Variants in RNF185 observed in about 807,000 individuals in gnomAD.
RNF185 encodes the protein ring finger protein 185, also known as E3 ubiquitin-protein ligase RNF185.
In RNF185, 13 loss-of-function variants were observed where a neutral mutation model predicts 24.9. The ratio of observed to expected loss-of-function variants is 0.52; its 90% CI spans 0.34 to 0.83. The LOEUF (loss-of-function observed/expected upper bound fraction) is 0.83, where lower values mean the gene tolerates loss of function less well. Ranked by LOEUF, RNF185 falls within the 40% of genes least tolerant of loss-of-function variation. The pLI, the probability that RNF185 is intolerant of heterozygous loss-of-function variation, is 0.01. For synonymous variants in RNF185, 79 were observed against 90.3 expected (o/e 0.88, Z 0.71); for missense variants, 184 against 244.7 (o/e 0.75, Z 1.65).
intron 5 of RNF185, among the ~76,000 whole-genome samples, chr22:31,199,234 A>T (rs1173907307): frequency 1.3e-5 from 2 of 152,198 alleles, no homozygotes; most frequent in South Asian, 2.1e-4. Flanking sequence ...TATATGCATG[A>T]TCTCATTTAA....
In RNF185 at chr22:31,205,774, G is replaced by A. The variant is rs969917803; in HGVS notation, c.*1188G>A. Reference sequence around the variant, plus strand: ...AACCCCTGATGATTTGTAAAGCCAGGTGGCAGGGCCTTGGGGAGCCCCAGC... The same window carrying A: ...AACCCCTGATGATTTGTAAAGCCAGATGGCAGGGCCTTGGGGAGCCCCAGC... On this transcript the variant is annotated 3_prime_UTR_variant, in exon 7 of 7. Transcript: ENST00000326132. 2.0e-5 allele frequency: 3 copies of A among 152,262 alleles called. No individual in the cohort carries two copies. Among genetic ancestry groups the A allele is most frequent in the African/African-American group, 7.2e-5 (3 of 41,456 alleles). 9.4% of individuals were successfully genotyped at this position (152,262 alleles called of 1,614,324 possible).
intron 1 of RNF185, among the ~76,000 whole-genome samples, chr22:31,184,473 G>A (rs2048076503): frequency 6.6e-6 from 1 of 151,872 alleles, no homozygotes; most frequent in African/African-American, 2.4e-5. Flanking sequence ...CCCAGACGAT[G>A]GGCGGCCAGG....
intron 2 of RNF185, among the ~76,000 whole-genome samples, chr22:31,191,762 G>C (rs1277319326): frequency 6.6e-6 from 1 of 150,812 alleles, no homozygotes; most frequent in Non-Finnish European, 1.5e-5. Flanking sequence ...AACCTGGGAG[G>C]TGGAGGTTGC....
chr22:31,201,007 G>C (rs2048258124), intron 5 of RNF185, among the ~76,000 whole-genome samples: 1 of 152,154 alleles, frequency 6.6e-6, no homozygotes, highest in Non-Finnish European at 1.5e-5. Context: ...TTCTTTGAAT[G>C]CATGTATCAA....
At chr22:31,190,658 G>A (rs2048147488) in intron 2 of RNF185, among the ~76,000 whole-genome samples, 1 of 149,454 alleles carries the variant, frequency 6.7e-6, no homozygotes. Flanking sequence ...ACTCCAGATT[G>A]AGTAGCACGA....
intron 5 of RNF185, among the ~76,000 whole-genome samples, chr22:31,199,051 G>A (rs1601377730): frequency 6.8e-6 from 1 of 147,712 alleles, no homozygotes; most frequent in South Asian, 2.1e-4. Flanking sequence ...AGTGAGCTGA[G>A]ATCACACCAC....
At chr22:31,185,800 C>T (rs915800337) in intron 1 of RNF185, among the ~76,000 whole-genome samples, 3 of 152,150 alleles carry the variant, frequency 2.0e-5, no homozygotes, top group Non-Finnish European at 2.9e-5. Context: ...CTTTCTTGTT[C>T]AACTCCTGGC....
chr22:31,196,293 G>C (rs910950286), intron 4 of RNF185, among the ~76,000 whole-genome samples: 4 of 152,050 alleles, frequency 2.6e-5, no homozygotes, highest in African/African-American at 9.7e-5. Flanking sequence ...CACATTAGTT[G>C]CTCTCACCCA....
At chr22:31,165,198 G>T (rs1292680214) in intron 1 of RNF185, among the ~76,000 whole-genome samples, 2 of 152,062 alleles carry the variant, frequency 1.3e-5, no homozygotes, top group East Asian at 3.9e-4. Flanking sequence ...GATTACAGGT[G>T]TGAGCCACTG....
chr22:31,166,328 A>C (rs1923917055), intron 1 of RNF185, among the ~76,000 whole-genome samples: 1 of 151,928 alleles, frequency 6.6e-6, no homozygotes, highest in Non-Finnish European at 1.5e-5. Flanking sequence ...AATACAGAAA[A>C]ATCTCCCTCT....
intron 2 of RNF185, among the ~76,000 whole-genome samples, chr22:31,192,182 T>C (rs545221568): frequency 3.9e-5 from 6 of 152,332 alleles, no homozygotes; most frequent in African/African-American, 1.4e-4. Context: ...TTTGTTAAAC[T>C]GGATCTGGAC....
At chr22:31,165,084 A>G (rs78578158) in intron 1 of RNF185, among the ~76,000 whole-genome samples, 1 of 138,570 alleles carries the variant, frequency 7.2e-6, no homozygotes, top group South Asian at 2.3e-4. Context: ...CTAATTTTGT[A>G]TTTTTTTTTT....
chr22:31,180,943 G>A (rs957027653), intron 1 of RNF185, among the ~76,000 whole-genome samples: 11 of 151,436 alleles, frequency 7.3e-5, no homozygotes, highest in African/African-American at 2.4e-4. Flanking sequence ...GTGTGTGTGT[G>A]TGTGTGTGTG....
At chr22:31,176,582 A>G (rs1438537379) in intron 1 of RNF185, among the ~76,000 whole-genome samples, 1 of 149,628 alleles carries the variant, frequency 6.7e-6, no homozygotes, top group Non-Finnish European at 1.5e-5. Context: ...TCCGCCTCCC[A>G]GGTTCACACC....
At chr22:31,200,953 G>C (rs984629517) in intron 5 of RNF185, among the ~76,000 whole-genome samples, 3 of 152,226 alleles carry the variant, frequency 2.0e-5, no homozygotes, top group Non-Finnish European at 4.4e-5. Flanking sequence ...TGATAACTTG[G>C]TCACAAGAGT....
chr22:31,200,535 A>C (rs1167721925), intron 5 of RNF185, among the ~76,000 whole-genome samples: 1 of 152,254 alleles, frequency 6.6e-6, no homozygotes, highest in Non-Finnish European at 1.5e-5. Flanking sequence ...CCTAGTGCTT[A>C]ACATGGTGCC....
chr22:31,174,901 C>T (rs1439941133), intron 1 of RNF185, among the ~76,000 whole-genome samples: 1 of 151,678 alleles, frequency 6.6e-6, no homozygotes, highest in Non-Finnish European at 1.5e-5. Context: ...GAAACTCGGC[C>T]TCTACGAAAA....
intron 5 of RNF185, among the ~76,000 whole-genome samples, chr22:31,198,084 TATATTCTC>T (rs1242903597): frequency 6.6e-6 from 1 of 152,178 alleles, no homozygotes; most frequent in Non-Finnish European, 1.5e-5. Context: ...CCAGAACAAG[TATATTCTC>T]ATATCCTCAT....
intron 3 of RNF185, 41 bp from the exon 4 acceptor site, chr22:31,195,428 G>C: frequency 7.1e-7 from 1 of 1,418,366 alleles, no homozygotes; most frequent in African/African-American, 1.4e-5. Flanking sequence ...ACTCTGGTGG[G>C]TCTTGGGCCA....
Sources: allele counts gnomAD v4.1 joint callset (sites outside exome capture counted in the v4.1 genomes callset), GRCh38; gene constraint gnomAD v4.1.1; transcripts MANE v1.5; gene names NCBI Gene and HGNC (gene_info 2026-07-23, HGNC 2026-07-21).